Variants in TOP6BL observed in about 807,000 individuals in gnomAD.
The protein encoded by TOP6BL is TOP6B like initiator of meiotic double strand breaks, also known as type 2 DNA topoisomerase 6 subunit B-like.
At chr11:66,754,392 A>T in the TOP6BL span, among the ~76,000 whole-genome samples, 9 of 151,686 alleles carry the variant, frequency 5.9e-5, no homozygotes, top group Non-Finnish European at 8.8e-5. Context: ...TATCTTTTTG[A>T]GTATATAAAG....
the TOP6BL span, among the ~76,000 whole-genome samples, chr11:66,760,569 G>A: frequency 4.6e-5 from 6 of 130,896 alleles, no homozygotes; most frequent in Admixed American, 9.4e-5. Flanking sequence ...GCTTGATCCA[G>A]TAGAACTTTT....
the TOP6BL span, chr11:66,813,860 T>G: frequency 9.3e-6 from 15 of 1,613,428 alleles, no homozygotes; most frequent in African/African-American, 1.3e-5. Flanking sequence ...CTTTAGCAAC[T>G]ACACATATTT....
At chr11:66,756,316 C>T in the TOP6BL span, 5 of 1,184,052 alleles carry the variant, frequency 4.2e-6, no homozygotes, top group African/African-American at 1.6e-5. Context: ...ATGCTACATA[C>T]AGTTAACCCC....
the TOP6BL span, among the ~76,000 whole-genome samples, chr11:66,800,878 G>A: frequency 6.6e-6 from 1 of 152,168 alleles, no homozygotes; most frequent in Admixed American, 6.6e-5. Context: ...TCTAGAGGGG[G>A]TAAACTTAAA....
the TOP6BL span, chr11:66,843,079 C>G: frequency 1.1e-4 from 181 of 1,579,946 alleles, no homozygotes; most frequent in Non-Finnish European, 1.5e-4. Flanking sequence ...GGTAACTGGG[C>G]GAGGGCCGCG....
At chr11:66,756,166 A>G in the TOP6BL span, among the ~76,000 whole-genome samples, 1 of 152,240 alleles carries the variant, frequency 6.6e-6, no homozygotes, top group African/African-American at 2.4e-5. Context: ...TATGCCACAG[A>G]ATATTTATAT....
At chr11:66,769,979 T>G in the TOP6BL span, among the ~76,000 whole-genome samples, 1 of 151,968 alleles carries the variant, frequency 6.6e-6, no homozygotes, top group East Asian at 1.9e-4. Context: ...ACTCCTGACC[T>G]TGTGATCCGC....
chr11:66,751,726 C>T, the TOP6BL span, among the ~76,000 whole-genome samples: 2 of 152,136 alleles, frequency 1.3e-5, no homozygotes, highest in African/African-American at 2.4e-5. Flanking sequence ...ATCTTCACCT[C>T]TACCATGTGT....
At chr11:66,842,542 G>A in the TOP6BL span, among the ~76,000 whole-genome samples, 1 of 152,214 alleles carries the variant, frequency 6.6e-6, no homozygotes, top group Non-Finnish European at 1.5e-5. Context: ...AGGGAGGGGA[G>A]CTTGTCAGTG....
chr11:66,770,621 T>C, the TOP6BL span, among the ~76,000 whole-genome samples: 1 of 152,084 alleles, frequency 6.6e-6, no homozygotes, highest in African/African-American at 2.4e-5. Flanking sequence ...GGAGAATGGC[T>C]TGAACTCAGA....
At chr11:66,762,255 G>T in the TOP6BL span, 1 of 537,810 alleles carries the variant, frequency 1.9e-6, no homozygotes, top group Non-Finnish European at 3.4e-6. Flanking sequence ...CAGAACACGC[G>T]CGCAAACTGA....
chr11:66,787,395 T>C, the TOP6BL span, among the ~76,000 whole-genome samples: 3 of 151,842 alleles, frequency 2.0e-5, no homozygotes, highest in Middle Eastern at 3.4e-3. Flanking sequence ...TTGTGTAATA[T>C]CAACATTGTC....
chr11:66,761,576 T>A, the TOP6BL span: 2 of 1,154,210 alleles, frequency 1.7e-6, no homozygotes, highest in Non-Finnish European at 1.2e-6. Flanking sequence ...CTGTCTGCTC[T>A]ACTGGCTCTT....
At chr11:66,764,621 T>A in the TOP6BL span, among the ~76,000 whole-genome samples, 1 of 146,910 alleles carries the variant, frequency 6.8e-6, no homozygotes, top group Admixed American at 6.9e-5. Flanking sequence ...GCTGAGATCA[T>A]GCCACTGCAC....
At chr11:66,806,490 G>A in the TOP6BL span, among the ~76,000 whole-genome samples, 1 of 152,166 alleles carries the variant, frequency 6.6e-6, no homozygotes, top group Admixed American at 6.5e-5. Context: ...AGAACAGGCC[G>A]GACACGGTGG....
chr11:66,841,619 G>A, the TOP6BL span, among the ~76,000 whole-genome samples: 2 of 152,252 alleles, frequency 1.3e-5, no homozygotes, highest in South Asian at 2.1e-4. Context: ...TATTTCACCA[G>A]TGCTTAAAAC....
chr11:66,748,268 T>C, the TOP6BL span: 1 of 854,616 alleles, frequency 1.2e-6, no homozygotes, highest in South Asian at 2.3e-5. Flanking sequence ...GAAGCAAGAA[T>C]ACAATTTTTG....
the TOP6BL span, chr11:66,843,165 G>C: frequency 6.2e-7 from 1 of 1,611,118 alleles, no homozygotes; most frequent in Non-Finnish European, 8.5e-7. Flanking sequence ...CCTTGTTCCC[G>C]CAGGACGTGC....
At chr11:66,770,697 C>A in the TOP6BL span, among the ~76,000 whole-genome samples, 13 of 152,144 alleles carry the variant, frequency 8.5e-5, no homozygotes, top group South Asian at 1.5e-3. Flanking sequence ...GAGCCAGACT[C>A]TATCTCAAAA....
Sources: gnomAD v4.1 joint callset for allele counts (sites outside exome capture counted in the v4.1 genomes callset) on GRCh38, gnomAD v4.1.1 for gene constraint, MANE v1.5 for transcripts, NCBI Gene and HGNC (gene_info 2026-07-23, HGNC 2026-07-21) for gene names.